Variants in UNC80 observed in about 807,000 individuals in gnomAD.
UNC80 encodes the protein unc-80 subunit of NALCN channel complex, also known as protein unc-80 homolog.
A neutral mutation model predicts 384.6 loss-of-function variants in UNC80; 164 were observed. The observed-to-expected ratio is 0.43, with a 90% CI of 0.38 to 0.49. The LOEUF (loss-of-function observed/expected upper bound fraction) is 0.49. Ranked by LOEUF, UNC80 falls within the 20% of genes least tolerant of loss-of-function variation. The probability of loss-of-function intolerance (pLI) is 0.00; values close to 1 mark genes in which losing one functional copy is unlikely to be tolerated. For missense variants in UNC80, 3,330 were observed against 4,143.0 expected (o/e 0.80, Z 5.39); for synonymous variants, 1,486 against 1,527.8 (o/e 0.97, Z 0.64).
intron 28 of UNC80, among the ~76,000 whole-genome samples, chr2:209,900,127 C>T (rs2087227573): frequency 6.6e-6 from 1 of 152,172 alleles, no homozygotes; most frequent in African/African-American, 2.4e-5. Flanking sequence ...GCCTCACTGT[C>T]TTATGCATTC....
chr2:209,953,198 G>T (rs998073222), intron 47 of UNC80, among the ~76,000 whole-genome samples: 4 of 151,888 alleles, frequency 2.6e-5, no homozygotes, highest in Non-Finnish European at 4.4e-5. Flanking sequence ...CGGGAAGATT[G>T]CGTGAGGCCA....
intron 54 of UNC80, 118 bp from the exon 55 acceptor site, chr2:209,972,083 C>A: frequency 7.9e-7 from 1 of 1,273,468 alleles, no homozygotes; most frequent in South Asian, 1.6e-5. Flanking sequence ...AACAATTGAA[C>A]TCATAGTTTA....
At chr2:209,921,417 G>GT (rs1164762205) in intron 33 of UNC80, 83 bp from the exon 34 acceptor site, 1 of 1,307,514 alleles carries the variant, frequency 7.6e-7, no homozygotes, top group African/African-American at 1.5e-5. Flanking sequence ...TACTACGTTT[G>GT]TGTCATTCAT....
intron 29 of UNC80, among the ~76,000 whole-genome samples, chr2:209,911,905 T>A (rs2192027): frequency 0.44 from 66,479 of 151,960 alleles, 14,794 homozygotes; most frequent in South Asian, 0.6. Context: ...TAGATGAATC[T>A]CCTGGTTGAG....
chr2:209,788,174 T>C (rs1362412682), intron 5 of UNC80, among the ~76,000 whole-genome samples: 1 of 152,168 alleles, frequency 6.6e-6, no homozygotes, highest in Non-Finnish European at 1.5e-5. Flanking sequence ...CCCAGCATTT[T>C]GGGAGGCCGA....
Position 209,820,543 on chromosome 2 carries a change from C to T in UNC80, c.2195C>T (p.Pro732Leu). The change falls in exon 13 of 65, where the codon CCT becomes CTT. Residue 732 changes from proline (P) to leucine (L), a missense_variant. By Grantham distance (98) the Pro-to-Leu change is moderately conservative. Transcript: ENST00000673920. Reference protein sequence around the residue: ...SGSSTCGFGGPAVSGAGDGGG... With the variant: ...SGSSTCGFGGLAVSGAGDGGG... ...AGTTCCACCTGTGGATTCGGAGGCC[C>T]TGCTGTTAGTGGAGCTGGAGATGGT... is the stretch of plus-strand genomic sequence containing the variant. The T allele has an allele frequency of 6.4e-7, 1 of 1,550,790 alleles. No homozygotes were observed. Among genetic ancestry groups the T allele is most frequent in the East Asian group, 2.4e-5 (1 of 40,890 alleles).
At chr2:209,922,699 A>T (rs1187106134) in intron 35 of UNC80, among the ~76,000 whole-genome samples, 3 of 152,216 alleles carry the variant, frequency 2.0e-5, no homozygotes, top group African/African-American at 7.2e-5. Context: ...GGGAAGCTTA[A>T]AAAGAAAGTT....
intron 38 of UNC80, among the ~76,000 whole-genome samples, chr2:209,932,343 A>G (rs540370944): frequency 7.2e-4 from 109 of 152,268 alleles, no homozygotes; most frequent in Admixed American, 5.6e-3. Flanking sequence ...TTCTGTCTAC[A>G]CCACACGAAA....
chr2:209,942,562 T>C (rs2091698107), intron 44 of UNC80, among the ~76,000 whole-genome samples: 1 of 152,214 alleles, frequency 6.6e-6, no homozygotes, highest in Admixed American at 6.5e-5. Context: ...CCTAGTTCTC[T>C]ATTTTTGAGG....
chr2:209,922,452 A>C, intron 35 of UNC80, 69 bp downstream of exon 35: 115 of 1,471,054 alleles, frequency 7.8e-5, no homozygotes, highest in Non-Finnish European at 1.0e-4. Flanking sequence ...AGTTAATATC[A>C]TGATCTCACT....
chr2:209,878,028 C>T lies in UNC80; in HGVS notation c.3915C>T (p.Tyr1305=), dbSNP rs1040212766. The T allele has an allele frequency of 4.9e-5, 75 of 1,544,698 alleles. No homozygotes were observed. Among genetic ancestry groups the T allele is most frequent in the Non-Finnish European group, 5.8e-5 (66 of 1,143,688 alleles). ...CAGCCAACCTGCTGGGTCTCATTTA[C>T]GATGAAGAGACCAAGAGGAGACTTA... The part of the protein sequence containing the change: ...ESPANLLGLI[Y]DEETKRRLRK... The change falls in exon 24 of 65, where the codon TAC becomes TAT. Residue 1305 remains tyrosine (Y), a synonymous_variant. Coordinates refer to ENST00000673920, the MANE Select transcript of UNC80 (RefSeq NM_001371986.1).
intron 35 of UNC80, among the ~76,000 whole-genome samples, chr2:209,925,754 A>G (rs1327298987): frequency 6.6e-6 from 1 of 152,140 alleles, no homozygotes; most frequent in Non-Finnish European, 1.5e-5. Flanking sequence ...TGCATTTACA[A>G]TCCTTTAGCT....
chr2:209,892,256 C>G (rs925047668), intron 26 of UNC80, among the ~76,000 whole-genome samples: 3 of 152,036 alleles, frequency 2.0e-5, no homozygotes, highest in African/African-American at 7.2e-5. Flanking sequence ...AAATGTACAG[C>G]CAGCAGGACT....
chr2:209,937,530 C>A lies in UNC80; in HGVS notation c.6365C>A (p.Thr2122Asn). Residue 2122 changes from threonine to asparagine, a missense_variant and splice_region_variant, in exon 42 of 65, where the codon ACC (threonine) becomes AAC (asparagine). Physicochemically the swap from Thr to Asn is moderately conservative, Grantham distance 65. Coordinates refer to ENST00000673920, the MANE Select transcript of UNC80 (RefSeq NM_001371986.1). Reference sequence around the variant, plus strand: ...TGTCTCTTTATGTAATCCACACAGACCTATGTTCGAGATATTTATCCTTTC... The same window carrying A: ...TGTCTCTTTATGTAATCCACACAGAACTATGTTCGAGATATTTATCCTTTC... The part of the protein sequence containing the change: ...KRWNLIHYNK[T>N]YVRDIYPFRR... 1 of 1,547,734 alleles carries A rather than the reference C, an allele frequency of 6.5e-7. No individual in the cohort carries two copies. The highest frequency in any genetic ancestry group is 8.7e-7 in the Non-Finnish European group (1 of 1,143,430).
intron 36 of UNC80, 128 bp from the exon 37 acceptor site, chr2:209,929,743 A>G: frequency 4.8e-6 from 3 of 627,702 alleles, no homozygotes; most frequent in Non-Finnish European, 7.8e-6. Flanking sequence ...ACGTTGCAAA[A>G]GAAAAAAGAG....
intron 29 of UNC80, among the ~76,000 whole-genome samples, chr2:209,911,525 G>A (rs1159694020): frequency 4.6e-5 from 7 of 152,134 alleles, no homozygotes; most frequent in East Asian, 3.9e-4. Context: ...GGGTCGTTTT[G>A]TCAGAGTTTT....
rs2081833254 is a variant in UNC80 at position 209,842,391 on chromosome 2, A to T, written c.3399A>T (p.Pro1133=). Residue 1133 remains proline, a synonymous_variant, in exon 21 of 65, where the codon CCA becomes CCT. Coordinates refer to ENST00000673920, the MANE Select transcript of UNC80 (RefSeq NM_001371986.1). The part of the protein sequence containing the change: ...TSAVKLSEGG[P]GSGMENGRDE... ...CTGTGAAGCTTTCTGAAGGTGGGCC[A>T]GGAAGTGGCATGGAAAATGGAAGAG... The T allele has an allele frequency of 6.4e-7, 1 of 1,551,286 alleles. No individual in the cohort carries two copies.
chr2:209,873,218 A>G (rs2084461153), intron 23 of UNC80, among the ~76,000 whole-genome samples: 1 of 152,152 alleles, frequency 6.6e-6, no homozygotes, highest in African/African-American at 2.4e-5. Flanking sequence ...CGACCTACCA[A>G]ATTTTACATA....
intron 14 of UNC80, among the ~76,000 whole-genome samples, chr2:209,828,058 C>T (rs530232035): frequency 6.6e-6 from 1 of 152,244 alleles, no homozygotes; most frequent in African/African-American, 2.4e-5. Flanking sequence ...ACAGATGATA[C>T]AAACATTTTA....
Sources: allele counts gnomAD v4.1 joint callset (sites outside exome capture counted in the v4.1 genomes callset), GRCh38; gene constraint gnomAD v4.1.1; transcripts MANE v1.5; gene names NCBI Gene and HGNC (gene_info 2026-07-23, HGNC 2026-07-21).